Variants in KDM5C observed in about 807,000 individuals in gnomAD.
The protein encoded by KDM5C is lysine-specific demethylase 5C.
A neutral mutation model predicts 110.6 loss-of-function variants in KDM5C; 16 were observed. The ratio of observed to expected loss-of-function variants is 0.14; its 90% CI spans 0.10 to 0.22. KDM5C has a LOEUF of 0.22. Ranked by LOEUF, KDM5C falls within the 10% of genes least tolerant of loss-of-function variation. KDM5C has a pLI of 1.00. For synonymous variants in KDM5C, 511 were observed against 520.4 expected (o/e 0.98, Z 0.24); for missense variants, 681 against 1,300.9 (o/e 0.52, Z 7.33).
In KDM5C at chrX:53,192,530, G is replaced by A; in HGVS notation, c.*437C>T. 5.7e-6 allele frequency: 2 copies of A among 353,608 alleles called. No individual in the cohort carries two copies. Among genetic ancestry groups the A allele is most frequent in the Non-Finnish European group, 1.0e-5 (2 of 197,668 alleles). The allele number at this position is 353,608 out of a possible 1,213,427, so 29.1% of individuals were successfully genotyped here. On this transcript the variant is annotated 3_prime_UTR_variant, in exon 26 of 26. Coordinates refer to ENST00000375401, the MANE Select transcript of KDM5C (RefSeq NM_004187.5). ...GGAAGGGAGAGGGAGAAGGGGGTAG[G>A]AAGGAAGGAAAAGAGGGGAGGAGAG...
chrX:53,221,245 C>T (rs1364320536), intron 1 of KDM5C, among the ~76,000 whole-genome samples: 1 of 110,606 alleles, frequency 9.0e-6, no homozygotes, highest in Non-Finnish European at 1.9e-5. Flanking sequence ...CTTCTCCACA[C>T]CCACATTAAT....
At chrX:53,177,078 A>G (rs1480538016) in intron 25 of KDM5C, among the ~76,000 whole-genome samples, 2 of 112,264 alleles carry the variant, frequency 1.8e-5, no homozygotes, top group African/African-American at 6.5e-5. Context: ...GCAAAACTCT[A>G]TCTCTACAAA....
At chrX:53,195,691 C>A (rs1001588893) in intron 20 of KDM5C, among the ~76,000 whole-genome samples, 1 of 111,556 alleles carries the variant, frequency 9.0e-6, no homozygotes, top group East Asian at 2.8e-4. Context: ...GCTTCCCTGG[C>A]CCACCAATCT....
intron 18 of KDM5C, chrX:53,197,560 C>T: frequency 2.3e-6 from 1 of 439,619 alleles, no homozygotes; most frequent in Non-Finnish European, 4.1e-6. Context: ...ACTCTGTATC[C>T]TATACCCATA....
Position 53,193,028 on chromosome X carries a change from G to A in KDM5C, c.4622C>T (p.Ser1541Phe), listed in dbSNP as rs782819629. Reference protein sequence around the residue: ...GTTSGPSAPFSTLTPRLHLPC... With the variant: ...GTTSGPSAPFFTLTPRLHLPC... ...CAGATGCAGCCGGGGAGTCAGAGTG[G>A]AGAAAGGGGCCGAGGGGCCTGAAGT... Residue 1541 changes from serine to phenylalanine, a missense_variant, in exon 26 of 26, where the codon TCC becomes TTC. Physicochemically the swap from Ser to Phe is radical, Grantham distance 155 (BLOSUM62 -2). This residue lies in a region of KDM5C where 115 missense variants were observed against 120.9 expected (regional missense o/e 0.95). Transcript: ENST00000375401. 13 of 1,192,604 alleles carry A rather than the reference G, an allele frequency of 1.1e-5. No individual in the cohort carries two copies. Among genetic ancestry groups the A allele is most frequent in the Non-Finnish European group, 1.1e-6 (1 of 886,193 alleles).
chrX:53,196,187 T>C (rs1556836623), intron 19 of KDM5C, 133 bp from the exon 20 acceptor site: 5 of 736,943 alleles, frequency 6.8e-6, no homozygotes, highest in Non-Finnish European at 1.0e-5. Flanking sequence ...GCCTACTTGC[T>C]TGTATTCCAC....
At chrX:53,181,759 G>C (rs940432407) in intron 25 of KDM5C, among the ~76,000 whole-genome samples, 2 of 109,041 alleles carry the variant, frequency 1.8e-5, no homozygotes, top group Non-Finnish European at 3.8e-5. Flanking sequence ...ATGATAGATC[G>C]GGAAAAAGAA....
At chrX:53,188,618 G>A (rs1337629499), downstream of KDM5C, among the ~76,000 whole-genome samples, 2 of 110,883 alleles carry the variant, frequency 1.8e-5, no homozygotes, top group African/African-American at 3.3e-5. Context: ...CAGGTGATCC[G>A]CCCGTCTCAG....
chrX:53,208,232 A>T (rs1235746737), intron 12 of KDM5C, among the ~76,000 whole-genome samples: 1 of 108,402 alleles, frequency 9.2e-6, no homozygotes, highest in African/African-American at 3.4e-5. Flanking sequence ...GGGCAGACAG[A>T]GGGCTGGGTG....
At chrX:53,176,330 C>A (rs2146777917) in exon 26 of KDM5C, among the ~76,000 whole-genome samples, 1 of 111,691 alleles carries the variant, frequency 9.0e-6, no homozygotes, top group Admixed American at 9.5e-5. Flanking sequence ...AGATGGGAGA[C>A]CAGTCTCAAA....
intron 25 of KDM5C, among the ~76,000 whole-genome samples, chrX:53,181,996 G>A (rs1404162667): frequency 3.6e-5 from 4 of 110,586 alleles, no homozygotes; most frequent in African/African-American, 1.3e-4. Flanking sequence ...CACTGTGTTA[G>A]CCAGGATGGT....
chrX:53,213,841 TTAAAGA>T (rs1178967744), intron 8 of KDM5C, among the ~76,000 whole-genome samples: 1 of 112,166 alleles, frequency 8.9e-6, no homozygotes, highest in African/African-American at 3.2e-5. Context: ...CTCAAACTTG[TTAAAGA>T]TAGTTACATA....
intron 25 of KDM5C, among the ~76,000 whole-genome samples, chrX:53,180,308 T>C (rs927991934): frequency 4.7e-4 from 52 of 111,424 alleles, no homozygotes; most frequent in African/African-American, 1.6e-3. Flanking sequence ...ACACAGAGGA[T>C]TTTTAGGGCA....
At chrX:53,215,134 A>G in intron 7 of KDM5C, 1 of 457,856 alleles carries the variant, frequency 2.2e-6, no homozygotes, top group Non-Finnish European at 4.0e-6. Flanking sequence ...TATATACAGT[A>G]CTCTAGAGAC....
intron 12 of KDM5C, among the ~76,000 whole-genome samples, chrX:53,207,968 CAAAAAA>C (rs781945536): frequency 3.3e-5 from 1 of 30,597 alleles, no homozygotes; most frequent in African/African-American, 1.3e-4. Flanking sequence ...GACTCTGTCT[CAAAAAA>C]AAAAAAAAAA....
intron 12 of KDM5C, among the ~76,000 whole-genome samples, chrX:53,203,489 T>C (rs1556843465): frequency 9.0e-6 from 1 of 111,595 alleles, no homozygotes; most frequent in Non-Finnish European, 1.9e-5. Context: ...CCTAGAAAAA[T>C]TCCCTAATTT....
chrX:53,202,964 G>A (rs1192142918), intron 12 of KDM5C, among the ~76,000 whole-genome samples: 2 of 110,310 alleles, frequency 1.8e-5, no homozygotes, highest in South Asian at 3.9e-4. Context: ...GACTACAGAC[G>A]CCTGCCACCA....
chrX:53,193,925 CA>C, intron 23 of KDM5C, 74 bp from the exon 24 acceptor site: 1 of 1,046,456 alleles, frequency 9.6e-7, no homozygotes. Flanking sequence ...CCGCCAACCC[CA>C]AACTTGAGAC....
chrX:53,202,022 T>C, intron 12 of KDM5C, 49 bp from the exon 13 acceptor site: 2 of 1,202,483 alleles, frequency 1.7e-6, no homozygotes, highest in South Asian at 3.5e-5. Context: ...TTTTCCTGTA[T>C]ACAGACCTGA....
Sources: allele counts gnomAD v4.1 joint callset (sites outside exome capture counted in the v4.1 genomes callset), GRCh38; gene constraint gnomAD v4.1.1; regional missense constraint gnomAD v4.1.1; transcripts MANE v1.5; gene names NCBI Gene and HGNC (gene_info 2026-07-23, HGNC 2026-07-21).